GASK1A: variants seen among roughly 807,000 people sequenced by gnomAD.
GASK1A encodes the protein Golgi-associated kinase 1A.
GASK1A carries 40 observed loss-of-function variants against 41.2 expected under a neutral mutation model. The ratio of observed to expected loss-of-function variants is 0.97; its 90% CI spans 0.75 to 1.27. GASK1A has a LOEUF of 1.27. Among genes scored for constraint, GASK1A ranks in the 50% most tolerant of loss-of-function variants. The pLI is 0.00. For synonymous variants in GASK1A, 316 were observed against 307.1 expected, an observed-to-expected ratio of 1.03 and a Z score of -0.30; for missense variants, 678 against 745.1, an observed-to-expected ratio of 0.91 and a Z score of 1.05.
At position 43,033,039 on chromosome 3, in the gene GASK1A, C is replaced by G; in HGVS notation, c.776C>G (p.Pro259Arg). Residue 259 changes from proline to arginine, a missense_variant, in exon 2 of 5, where the codon CCA becomes CGA. By Grantham distance (103) the Pro-to-Arg change is moderately radical (BLOSUM62 -2). Coordinates refer to ENST00000430121, the MANE Select transcript of GASK1A (RefSeq NM_001129908.3). ...SSSRTGGQAP[P>R]WLTDHDVQML... is the part of the protein sequence containing the mutation. ...TCGAGGACTGGTGGGCAGGCTCCCCCATGGCTGACAGACCACGATGTGCAG... is the reference window on the plus strand; with the variant it reads ...TCGAGGACTGGTGGGCAGGCTCCCCGATGGCTGACAGACCACGATGTGCAG... 1 of 1,551,732 alleles carries G rather than the reference C, an allele frequency of 6.4e-7. No homozygotes were observed. Among genetic ancestry groups the G allele is most frequent in the Non-Finnish European group, 8.7e-7 (1 of 1,147,002 alleles).
intron 2 of GASK1A, among the ~76,000 whole-genome samples, chr3:43,051,737 G>T (rs1291143103): frequency 6.6e-6 from 1 of 152,168 alleles, no homozygotes; most frequent in Non-Finnish European, 1.5e-5. Context: ...CCAGGAGAAG[G>T]CTTTTAGTAC....
At chr3:43,052,213 G>A (rs1312204748) in intron 2 of GASK1A, among the ~76,000 whole-genome samples, 5 of 152,114 alleles carry the variant, frequency 3.3e-5, no homozygotes, top group Admixed American at 1.3e-4. Flanking sequence ...TTCATGTGCC[G>A]TGAGCACTAC....
intron 1 of GASK1A, among the ~76,000 whole-genome samples, chr3:42,993,120 GA>G (rs2089350508): frequency 6.6e-6 from 1 of 152,204 alleles, no homozygotes; most frequent in African/African-American, 2.4e-5. Flanking sequence ...CTCAAATATA[GA>G]AGTACGGAGT....
At chr3:42,983,283 G>A (rs995395035) in intron 1 of GASK1A, among the ~76,000 whole-genome samples, 2 of 152,092 alleles carry the variant, frequency 1.3e-5, no homozygotes, top group African/African-American at 4.8e-5. Context: ...TGTCTCAAAG[G>A]TGCTGTAAGA....
rs567629772 is a variant in GASK1A at position 43,014,027 on chromosome 3, AGTGTGAAGTCACAGGAAGAGGTG to A, written c.4-18233_4-18211del. 9.7e-3 allele frequency among the ~76,000 whole-genome samples: 1,431 copies of A among 147,768 alleles called. 14 individuals carry two copies. Among genetic ancestry groups the A allele is most frequent in the Middle Eastern group, 0.034 (9 of 264 alleles). ...GCTTTGAAAAGCGGCAGGAAGGGGT[AGTGTGAAGTCACAGGAAGAGGTG>A]GTGTGATGCCACAGGAAGGGACTGT... On this transcript the variant is annotated intron_variant, in intron 1 of 4. Coordinates refer to ENST00000430121, the MANE Select transcript of GASK1A (RefSeq NM_001129908.3).
chr3:43,034,723 C>G (rs989568885), intron 2 of GASK1A, among the ~76,000 whole-genome samples: 2 of 152,146 alleles, frequency 1.3e-5, no homozygotes, highest in Admixed American at 1.3e-4. Context: ...ATATGTAATA[C>G]TTCAGAGATT....
At chr3:42,985,183 T>G (rs2089302216) in intron 1 of GASK1A, among the ~76,000 whole-genome samples, 1 of 152,184 alleles carries the variant, frequency 6.6e-6, no homozygotes, top group South Asian at 2.1e-4. Context: ...AAATAACTTA[T>G]TCTCTTTGTC....
chr3:43,034,587 G>C (rs2125687443), intron 2 of GASK1A, among the ~76,000 whole-genome samples: 1 of 152,342 alleles, frequency 6.6e-6, no homozygotes, highest in African/African-American at 2.4e-5. Flanking sequence ...CATTTCTATA[G>C]AGACCCCTGT....
chr3:43,009,627 A>G (rs539297017), intron 1 of GASK1A, among the ~76,000 whole-genome samples: 3 of 152,322 alleles, frequency 2.0e-5, no homozygotes, highest in Admixed American at 1.3e-4. Context: ...AAATGGTATG[A>G]TATTTCCTTC....
intron 3 of GASK1A, 43 bp from the exon 4 acceptor site, chr3:43,055,389 G>A (rs367775022): frequency 3.5e-6 from 5 of 1,431,472 alleles, no homozygotes; most frequent in Non-Finnish European, 4.8e-6. Flanking sequence ...AGCCGTAGCT[G>A]CACCCTTACC....
At chr3:43,047,795 C>T (rs2089671059) in intron 2 of GASK1A, among the ~76,000 whole-genome samples, 1 of 152,150 alleles carries the variant, frequency 6.6e-6, no homozygotes, top group African/African-American at 2.4e-5. Flanking sequence ...CAACCCAAGT[C>T]CTTATCATGA....
At chr3:42,990,460 G>A (rs6783218) in intron 1 of GASK1A, among the ~76,000 whole-genome samples, 61,741 of 151,892 alleles carry the variant, frequency 0.41, 12,810 homozygotes, top group Middle Eastern at 0.46. Context: ...GTGGTTGTCT[G>A]TGGTGGAAGA....
chr3:43,001,226 C>A (rs2089407343), intron 1 of GASK1A, among the ~76,000 whole-genome samples: 1 of 152,136 alleles, frequency 6.6e-6, no homozygotes, highest in Non-Finnish European at 1.5e-5. Context: ...GACCCCGGGT[C>A]ATATGCTGTA....
intron 1 of GASK1A, among the ~76,000 whole-genome samples, chr3:43,030,162 C>T (rs940686973): frequency 6.6e-6 from 1 of 152,226 alleles, no homozygotes; most frequent in Non-Finnish European, 1.5e-5. Context: ...TGCGCCACCA[C>T]GCCCAGCTAC....
rs967209136 is a variant in GASK1A, at chr3:43,033,165, A to G, written c.902A>G (p.Gln301Arg). Residue 301 changes from glutamine to arginine, a missense_variant, in exon 2 of 5, where the codon CAG (glutamine) becomes CGG (arginine). Coordinates refer to ENST00000430121, the MANE Select transcript of GASK1A (RefSeq NM_001129908.3). ...GGCTTCTCCACTGAGGCTGCCCTTC[A>G]GGACCTGTCCTCTCCCAGGCTCAGC... ...QVGFSTEAAL[Q>R]DLSSPRLSQL... 36 of 1,550,780 alleles carry G rather than the reference A, an allele frequency of 2.3e-5. No individual in the cohort carries two copies. The highest frequency in any genetic ancestry group is 3.1e-5 in the Non-Finnish European group (35 of 1,146,458).
intron 1 of GASK1A, among the ~76,000 whole-genome samples, chr3:42,993,018 G>A (rs866030872): frequency 6.6e-6 from 1 of 152,174 alleles, no homozygotes; most frequent in African/African-American, 2.4e-5. Context: ...TGGGATTGGC[G>A]AACACTCAGC....
At chr3:43,037,524 G>C in intron 2 of GASK1A, 1 of 415,470 alleles carries the variant, frequency 2.4e-6, no homozygotes, top group Non-Finnish European at 4.4e-6. Flanking sequence ...GAAAGAACCT[G>C]CAGTTATGTA....
chr3:43,023,667 A>G (rs533062455), intron 1 of GASK1A, among the ~76,000 whole-genome samples: 2 of 152,360 alleles, frequency 1.3e-5, no homozygotes, highest in African/African-American at 4.8e-5. Context: ...AGACCAAATT[A>G]AAAGCATATC....
intron 1 of GASK1A, among the ~76,000 whole-genome samples, chr3:43,017,398 GGGAAGGGGCAGTGTGAAGTCATA>G (rs1559401589): frequency 1.6e-5 from 2 of 125,798 alleles, no homozygotes; most frequent in Admixed American, 7.7e-5. Flanking sequence ...GGGAAGTCAT[GGGAAGGGGCAGTGTGAAGTCATA>G]GGAAGGGGCT....
Sources: allele counts gnomAD v4.1 joint callset (sites outside exome capture counted in the v4.1 genomes callset), GRCh38; gene constraint gnomAD v4.1.1; transcripts MANE v1.5; gene names NCBI Gene and HGNC (gene_info 2026-07-23, HGNC 2026-07-21).